Variants in ATP7A observed in about 807,000 individuals in gnomAD.
ATP7A encodes copper-transporting ATPase 1.
Under a neutral mutation model 83.5 loss-of-function variants are expected in ATP7A, and 7 were observed. The observed-to-expected ratio is 0.08, with a 90% CI of 0.05 to 0.16. The LOEUF is 0.16. Ranked by LOEUF, ATP7A falls within the 10% of genes least tolerant of loss-of-function variation. ATP7A has a pLI of 1.00. For missense variants in ATP7A, 940 were observed against 1,120.8 expected, an observed-to-expected ratio of 0.84 and a Z score of 2.30; for synonymous variants, 354 against 395.2, an observed-to-expected ratio of 0.90 and a Z score of 1.24.
rs782253237 is a variant in ATP7A at position 77,988,709 on chromosome X, G to A, written c.588G>A (p.Leu196=). Residue 196 remains leucine (L), a synonymous_variant, in exon 3 of 23, where the codon CTG becomes CTA. Coordinates refer to ENST00000341514, the MANE Select transcript of ATP7A (RefSeq NM_000052.7). ...CTATTGAAGGAAAAATTGGGAAACT[G>A]CAAGGTGTTCAGCGAATTAAAGGTA... ...TSTIEGKIGK[L]QGVQRIKVSL... is the part of the protein sequence containing the mutation. The A allele has an allele frequency of 4.1e-6, 5 of 1,211,023 alleles. No individual in the cohort carries two copies. The Admixed American group carries it at 1.1e-4, about 26-fold the overall frequency.
intron 1 of ATP7A, among the ~76,000 whole-genome samples, chrX:77,956,398 A>G (rs1264860810): frequency 4.5e-5 from 5 of 111,826 alleles, no homozygotes; most frequent in African/African-American, 1.6e-4. Flanking sequence ...TATGGATTGC[A>G]TCTGTGTCCT....
At chrX:77,931,810 G>A (rs1212083448) in intron 1 of ATP7A, among the ~76,000 whole-genome samples, 5 of 98,598 alleles carry the variant, frequency 5.1e-5, no homozygotes, top group East Asian at 3.5e-4. Context: ...GCGGCTGGCC[G>A]GGCGGGGGGC....
rs782319226 is a variant in ATP7A at position 77,918,526 on chromosome X, G to A, written c.-22+7691G>A. Among the ~76,000 whole-genome samples, 21 of 111,685 alleles carry A rather than the reference G, an allele frequency of 1.9e-4. No homozygotes were observed. In the South Asian group the frequency reaches 7.9e-3, roughly 42 times the overall value. On this transcript the variant is annotated intron_variant, in intron 1 of 22. Transcript: ENST00000341514. ...TTTTAATCTCAGAGTCATGAGATCA[G>A]GGCAGATACTGACAGTATAGTTCCT... is the stretch of plus-strand genomic sequence containing the variant.
At chrX:77,990,804 C>T (rs1209179878) in intron 4 of ATP7A, among the ~76,000 whole-genome samples, 4 of 111,715 alleles carry the variant, frequency 3.6e-5, no homozygotes, top group African/African-American at 1.3e-4. Context: ...ACAATTGAAA[C>T]GTTTTACAAC....
intron 1 of ATP7A, among the ~76,000 whole-genome samples, chrX:77,953,820 A>G (rs1391677919): frequency 8.9e-6 from 1 of 112,253 alleles, no homozygotes; most frequent in Non-Finnish European, 1.9e-5. Flanking sequence ...TTAGCTTTGG[A>G]CTCCAGCCTG....
chrX:78,033,537 T>C (rs2149107113), intron 16 of ATP7A, 68 bp from the exon 17 acceptor site: 1 of 1,058,740 alleles, frequency 9.4e-7, no homozygotes, highest in East Asian at 3.0e-5. Flanking sequence ...TAGGGGTTTT[T>C]ATCTTGCTAA....
intron 7 of ATP7A, 161 bp downstream of exon 7, chrX:78,009,424 A>ATT: frequency 1.7e-5 from 9 of 518,103 alleles, no homozygotes; most frequent in Non-Finnish European, 2.8e-5. Flanking sequence ...ACGTGTCTGC[A>ATT]TTTTTTTTTT....
intron 1 of ATP7A, chrX:77,965,294 G>A (rs782436967): frequency 4.6e-5 from 11 of 238,494 alleles, no homozygotes; most frequent in African/African-American, 2.9e-4. Flanking sequence ...TAATATCCAA[G>A]AATATAAAGA....
At chrX:77,948,022 G>A (rs781901011) in intron 1 of ATP7A, among the ~76,000 whole-genome samples, 1 of 110,190 alleles carries the variant, frequency 9.1e-6, no homozygotes, top group East Asian at 2.8e-4. Context: ...TTACAGGCGT[G>A]AGCCACCATG....
chrX:78,011,408 T>C, intron 8 of ATP7A, 41 bp from the exon 9 acceptor site: 1 of 1,150,307 alleles, frequency 8.7e-7, no homozygotes, highest in Non-Finnish European at 1.2e-6. Context: ...CATTAGCTAT[T>C]TATGACCATG....
chrX:77,966,631 G>T (rs192550065), intron 1 of ATP7A, among the ~76,000 whole-genome samples: 2 of 111,943 alleles, frequency 1.8e-5, no homozygotes, highest in African/African-American at 6.5e-5. Context: ...GGGGCTGTGA[G>T]TAGAGAGGAA....
intron 1 of ATP7A, among the ~76,000 whole-genome samples, chrX:77,943,131 A>G (rs2077360572): frequency 8.9e-6 from 1 of 112,174 alleles, no homozygotes; most frequent in Admixed American, 9.5e-5. Context: ...TAAGCTTTTA[A>G]ACTAATTATA....
Position 78,037,980 on chromosome X carries a change from G to GTTTTTTTTT in ATP7A, c.3512-838_3512-830dup, listed in dbSNP as rs782643561. 1.1e-3 allele frequency among the ~76,000 whole-genome samples: 56 copies of GTTTTTTTTT among 51,200 alleles called. 5 individuals carry two copies. The highest frequency in any genetic ancestry group is 1.5e-3 in the Non-Finnish European group (46 of 31,156). The allele number at this position is 51,200 out of a possible 115,157, so 44.5% of individuals were successfully genotyped here. A position where few individuals can be genotyped will look rare whatever the true frequency, so the allele number is the denominator to read the frequency against. On this transcript the variant is annotated intron_variant, in intron 17 of 22. Coordinates refer to ENST00000341514, the MANE Select transcript of ATP7A (RefSeq NM_000052.7). ...AGAGAGGTGGGTGAGATCAAGAAAG[G>GTTTTTTTTT]TTTTTTTTTTTTTTTTTTTTTTTTT...
At chrX:77,932,113 T>C (rs1431073803) in intron 1 of ATP7A, among the ~76,000 whole-genome samples, 3 of 101,925 alleles carry the variant, frequency 2.9e-5, no homozygotes, top group South Asian at 4.4e-4. Flanking sequence ...CCAGACGGGG[T>C]GGCTGCTGGG....
intron 1 of ATP7A, among the ~76,000 whole-genome samples, chrX:77,915,871 C>T (rs2149039072): frequency 9.0e-6 from 1 of 111,648 alleles, no homozygotes; most frequent in African/African-American, 3.2e-5. Flanking sequence ...CAGGCGTGTG[C>T]CACCACACCC....
Position 78,047,537 on chromosome X carries a change from T to G in ATP7A, c.*967T>G, listed in dbSNP as rs2078090443. On this transcript the variant is annotated 3_prime_UTR_variant, in exon 23 of 23. Transcript: ENST00000341514. The stretch of plus-strand genomic sequence containing the variant: ...CATATACAGGTCATATAAAATTACC[T>G]GGATTCACTAAATTTGTTTGTTGTT... 8.9e-6 allele frequency: 1 copy of G among 112,018 alleles called. No individual in the cohort carries two copies. Among genetic ancestry groups the G allele is most frequent in the African/African-American group, 3.2e-5 (1 of 30,787 alleles). The allele number at this position is 112,018 out of a possible 1,213,427, so 9.2% of individuals were successfully genotyped here.
chrX:77,918,242 A>T (rs950914719), intron 1 of ATP7A, among the ~76,000 whole-genome samples: 16 of 105,514 alleles, frequency 1.5e-4, no homozygotes, highest in Non-Finnish European at 2.4e-4. Context: ...AATTTTTAAA[A>T]TTTTTTTTTT....
chrX:77,976,503 T>C, intron 2 of ATP7A, among the ~76,000 whole-genome samples: 1 of 111,948 alleles, frequency 8.9e-6, no homozygotes, highest in Non-Finnish European at 1.9e-5. Context: ...ATTGGCTAAT[T>C]AGCCCATCAT....
chrX:78,042,659 G>A lies in ATP7A; in HGVS notation c.3876G>A (p.Glu1292=). The A allele has an allele frequency of 8.3e-7, 1 of 1,211,873 alleles. No homozygotes were observed. The highest frequency in any genetic ancestry group is 1.1e-6 in the Non-Finnish European group (1 of 895,575). The part of the protein sequence containing the change: ...KVAKVKQLQE[E]GKRVAMVGDG... ...CTAAAGTGAAGCAACTTCAAGAGGA[G>A]GGGAAACGGGTAGCAATGGTGGGAG... Residue 1292 remains glutamate, a synonymous_variant, in exon 20 of 23, where the codon GAG becomes GAA. Transcript: ENST00000341514.
Sources: gnomAD v4.1 joint callset for allele counts (sites outside exome capture counted in the v4.1 genomes callset) on GRCh38, gnomAD v4.1.1 for gene constraint, MANE v1.5 for transcripts, NCBI Gene and HGNC (gene_info 2026-07-23, HGNC 2026-07-21) for gene names.